Variants in SLC4A4 observed in about 807,000 individuals in gnomAD.
SLC4A4 encodes electrogenic sodium bicarbonate cotransporter 1.
SLC4A4 carries 27 observed loss-of-function variants against 111.5 expected under a neutral mutation model. The ratio of observed to expected loss-of-function variants is 0.24; its 90% CI spans 0.18 to 0.33. The LOEUF (loss-of-function observed/expected upper bound fraction) is 0.33, where lower values mean the gene tolerates loss of function less well. Ranked by LOEUF, SLC4A4 falls within the 10% of genes least tolerant of loss-of-function variation. SLC4A4 has a pLI of 1.00. For missense variants in SLC4A4, 909 were observed against 1,315.5 expected (o/e 0.69, Z 4.78); for synonymous variants, 443 against 463.4 (o/e 0.96, Z 0.57).
At chr4:71,183,622 GAGA>G (rs1179531564), upstream of SLC4A4, among the ~76,000 whole-genome samples, 2 of 152,174 alleles carry the variant, frequency 1.3e-5, no homozygotes, top group Admixed American at 6.5e-5. Flanking sequence ...GTTTTAGAAT[GAGA>G]AGAACAAAAG....
intron 2 of SLC4A4, among the ~76,000 whole-genome samples, chr4:71,164,928 T>C (rs1169826482): frequency 1.3e-5 from 2 of 152,148 alleles, no homozygotes; most frequent in Non-Finnish European, 2.9e-5. Flanking sequence ...AAGACATTTA[T>C]GTGGCCAACA....
chr4:71,168,423 T>C (rs1744842965), intron 2 of SLC4A4, among the ~76,000 whole-genome samples: 1 of 152,140 alleles, frequency 6.6e-6, no homozygotes, highest in Non-Finnish European at 1.5e-5. Flanking sequence ...CCTCAGATGA[T>C]CTGCCTGCCT....
At chr4:71,509,608 C>CT (rs1447166233) in intron 16 of SLC4A4, among the ~76,000 whole-genome samples, 1 of 152,108 alleles carries the variant, frequency 6.6e-6, no homozygotes, top group Non-Finnish European at 1.5e-5. Flanking sequence ...TTTAGAATGC[C>CT]TGGGCCAGTT....
intron 2 of SLC4A4, among the ~76,000 whole-genome samples, chr4:71,131,966 GTC>G (rs1411187161): frequency 2.0e-5 from 3 of 152,062 alleles, no homozygotes; most frequent in Non-Finnish European, 4.4e-5. Context: ...CACCCATAAT[GTC>G]TCTGAATCTA....
At chr4:71,323,097 AG>A (rs775560887) in intron 3 of SLC4A4, among the ~76,000 whole-genome samples, 9 of 152,034 alleles carry the variant, frequency 5.9e-5, no homozygotes, top group African/African-American at 2.2e-4. Flanking sequence ...AAATATTGTA[AG>A]GAAGTGTGTG....
At chr4:71,165,669 A>G (rs1744724871) in intron 2 of SLC4A4, among the ~76,000 whole-genome samples, 2 of 152,206 alleles carry the variant, frequency 1.3e-5, no homozygotes, top group Non-Finnish European at 2.9e-5. Context: ...AAACCTGCAC[A>G]TTCTGCACAT....
At chr4:71,099,426 G>A (rs1211236241) in intron 2 of SLC4A4, among the ~76,000 whole-genome samples, 1 of 152,134 alleles carries the variant, frequency 6.6e-6, no homozygotes, top group Non-Finnish European at 1.5e-5. Flanking sequence ...AGAATCTCTG[G>A]AACACAGCTA....
At position 71,339,368 on chromosome 4, in the gene SLC4A4, A is replaced by C; in HGVS notation, c.254-2A>C. 1 of 1,614,186 alleles carries C rather than the reference A, an allele frequency of 6.2e-7. No homozygotes were observed. Among genetic ancestry groups the C allele is most frequent in the East Asian group, 2.2e-5 (1 of 44,870 alleles). ...TTAACCACAGTATTTTCACTTCTGC[A>C]GTCTCTCCTGCTGCAGAACGCATCC... On this transcript the variant is annotated splice_acceptor_variant, in intron 3 of 25. Coordinates refer to ENST00000264485, the MANE Select transcript of SLC4A4 (RefSeq NM_001098484.3). LOFTEE classifies it high-confidence loss of function.
chr4:71,454,797 A>G (rs1726076292), intron 12 of SLC4A4, among the ~76,000 whole-genome samples: 1 of 152,106 alleles, frequency 6.6e-6, no homozygotes, highest in African/African-American at 2.4e-5. Flanking sequence ...GAGGCTTGAA[A>G]CAACCATTTT....
intron 3 of SLC4A4, among the ~76,000 whole-genome samples, chr4:71,293,974 G>C (rs531537832): frequency 5.9e-5 from 9 of 152,182 alleles, no homozygotes; most frequent in African/African-American, 2.2e-4. Flanking sequence ...TACAGAATTG[G>C]TTTTTGGAAT....
intron 2 of SLC4A4, among the ~76,000 whole-genome samples, chr4:71,106,925 A>AAAAT (rs759756657): frequency 1.5e-4 from 23 of 151,010 alleles, no homozygotes; most frequent in East Asian, 1.2e-3. Context: ...AAGTATAATA[A>AAAAT]AAATAAATAA....
At chr4:71,501,356 T>C (rs1051698445) in intron 16 of SLC4A4, among the ~76,000 whole-genome samples, 1 of 152,044 alleles carries the variant, frequency 6.6e-6, no homozygotes, top group Admixed American at 6.6e-5. Flanking sequence ...GTGGAGTCTT[T>C]ATGTAAGATC....
At chr4:71,254,259 A>G (rs1721280947) in intron 2 of SLC4A4, among the ~76,000 whole-genome samples, 1 of 152,198 alleles carries the variant, frequency 6.6e-6, no homozygotes, top group Non-Finnish European at 1.5e-5. Context: ...TGCTGTATTT[A>G]AAGTGAAAGT....
intron 3 of SLC4A4, among the ~76,000 whole-genome samples, chr4:71,284,154 G>A (rs1723733844): frequency 6.6e-6 from 1 of 152,134 alleles, no homozygotes; most frequent in Admixed American, 6.5e-5. Flanking sequence ...TTGTAATTTA[G>A]ACTGGGATCA....
intron 1 of SLC4A4, chr4:71,233,349 G>A (rs1719572912): frequency 2.0e-6 from 2 of 982,334 alleles, no homozygotes; most frequent in South Asian, 9.4e-5. Flanking sequence ...GAAGACATTG[G>A]TGATCATGAC....
At chr4:71,152,463 T>A (rs1442657398) in intron 2 of SLC4A4, among the ~76,000 whole-genome samples, 2 of 152,208 alleles carry the variant, frequency 1.3e-5, no homozygotes, top group Middle Eastern at 3.2e-3. Flanking sequence ...GAGATTATGT[T>A]TTTGAGAATA....
At chr4:71,211,553 TG>T (rs2149012416) in intron 1 of SLC4A4, among the ~76,000 whole-genome samples, 1 of 152,316 alleles carries the variant, frequency 6.6e-6, no homozygotes, top group Admixed American at 6.5e-5. Flanking sequence ...GTGACCTCAA[TG>T]TTGCTGCACT....
intron 1 of SLC4A4, among the ~76,000 whole-genome samples, chr4:71,066,773 C>G (rs561997554): frequency 6.6e-6 from 1 of 152,330 alleles, no homozygotes; most frequent in African/African-American, 2.4e-5. Context: ...GCTGATGGGG[C>G]AGCCTGGTGC....
At position 71,513,415 on chromosome 4, in the gene SLC4A4, A is replaced by G. The variant is rs190274433; in HGVS notation, c.2166+15723A>G. Among the ~76,000 whole-genome samples, 5 of 151,996 alleles carry G rather than the reference A, an allele frequency of 3.3e-5. No homozygotes were observed. The East Asian group carries it at 9.7e-4, about 29-fold the overall frequency. On this transcript the variant is annotated intron_variant, in intron 16 of 25. Transcript: ENST00000264485. The stretch of plus-strand genomic sequence containing the variant: ...TCTCTTGTAAATGCAATTACCTTTT[A>G]AATTATTTTCTTGGCTAGATCTTGG...
Sources: gnomAD v4.1 joint callset for allele counts (sites outside exome capture counted in the v4.1 genomes callset) on GRCh38, gnomAD v4.1.1 for gene constraint, MANE v1.5 for transcripts, NCBI Gene and HGNC (gene_info 2026-07-23, HGNC 2026-07-21) for gene names.